STXBP5L: variants seen among roughly 807,000 people sequenced by gnomAD.
STXBP5L encodes syntaxin binding protein 5L.
A neutral mutation model predicts 144.5 loss-of-function variants in STXBP5L; 65 were observed. The ratio of observed to expected loss-of-function variants is 0.45; its 90% CI spans 0.37 to 0.55. STXBP5L has a LOEUF of 0.55. Among genes scored for constraint, STXBP5L ranks in the 20% least tolerant of loss-of-function variants. STXBP5L has a pLI of 0.00. For missense variants in STXBP5L, 1,298 were observed against 1,405.5 expected, an observed-to-expected ratio of 0.92 and a Z score of 1.22; for synonymous variants, 505 against 469.6, an observed-to-expected ratio of 1.08 and a Z score of -0.97.
intron 9 of STXBP5L, among the ~76,000 whole-genome samples, chr3:121,164,521 C>T (rs1429555156): frequency 6.6e-6 from 1 of 151,990 alleles, no homozygotes; most frequent in Non-Finnish European, 1.5e-5. Context: ...AGATAGAAAC[C>T]CAGCAGTTTC....
At chr3:121,202,912 A>G (rs2048192593) in intron 9 of STXBP5L, among the ~76,000 whole-genome samples, 2 of 151,980 alleles carry the variant, frequency 1.3e-5, no homozygotes, top group Non-Finnish European at 2.9e-5. Context: ...AAGCATAGAT[A>G]ATGTTTTTTT....
chr3:121,376,208 A>G (rs1474253010), intron 20 of STXBP5L, among the ~76,000 whole-genome samples: 1 of 152,232 alleles, frequency 6.6e-6, no homozygotes, highest in Non-Finnish European at 1.5e-5. Context: ...AGAGGCAACT[A>G]ATGCATGAAG....
chr3:121,266,468 A>T (rs1261348213), intron 18 of STXBP5L, among the ~76,000 whole-genome samples: 1 of 152,220 alleles, frequency 6.6e-6, no homozygotes, highest in African/African-American at 2.4e-5. Flanking sequence ...AATTGATGGA[A>T]CGTATCTCAA....
intron 3 of STXBP5L, among the ~76,000 whole-genome samples, chr3:121,006,069 T>G (rs138006030): frequency 6.6e-6 from 1 of 152,146 alleles, no homozygotes; most frequent in Admixed American, 6.6e-5. Flanking sequence ...CTGTTAGGTC[T>G]GCTTGGTGCA....
At chr3:121,053,668 A>C (rs544337176) in intron 5 of STXBP5L, among the ~76,000 whole-genome samples, 1 of 152,358 alleles carries the variant, frequency 6.6e-6, no homozygotes, top group African/African-American at 2.4e-5. Context: ...CATTCAGGAC[A>C]TAGGCATGGG....
At chr3:121,015,259 A>G (rs560260110) in intron 3 of STXBP5L, among the ~76,000 whole-genome samples, 7 of 152,328 alleles carry the variant, frequency 4.6e-5, no homozygotes, top group African/African-American at 1.7e-4. Context: ...AATAATTTTA[A>G]AAATCAGTTA....
At chr3:121,098,578 A>C (rs2043250125) in intron 5 of STXBP5L, among the ~76,000 whole-genome samples, 1 of 152,228 alleles carries the variant, frequency 6.6e-6, no homozygotes, top group African/African-American at 2.4e-5. Context: ...ATCACATTTC[A>C]ACATGAGATT....
At chr3:121,001,819 G>C (rs1943802294) in intron 3 of STXBP5L, among the ~76,000 whole-genome samples, 1 of 152,302 alleles carries the variant, frequency 6.6e-6, no homozygotes, top group Admixed American at 6.5e-5. Flanking sequence ...GGGGTGTGCT[G>C]ATCTTCATGG....
intron 3 of STXBP5L, among the ~76,000 whole-genome samples, chr3:120,977,375 T>G (rs1363978099): frequency 1.3e-5 from 2 of 152,150 alleles, no homozygotes; most frequent in Non-Finnish European, 2.9e-5. Context: ...AACCCCTGCC[T>G]TTTTTTGTTT....
intron 7 of STXBP5L, among the ~76,000 whole-genome samples, chr3:121,143,937 A>G (rs2107951739): frequency 6.6e-6 from 1 of 151,924 alleles, no homozygotes; most frequent in Admixed American, 6.6e-5. Context: ...TCATGGCTCT[A>G]TAAACTTAAC....
intron 9 of STXBP5L, among the ~76,000 whole-genome samples, chr3:121,189,062 C>T (rs1258380543): frequency 6.6e-6 from 1 of 152,168 alleles, no homozygotes; most frequent in African/African-American, 2.4e-5. Flanking sequence ...TAGAAAACCC[C>T]ATTGTCTTCA....
At chr3:121,338,608 A>AAAG (rs1553770441) in intron 20 of STXBP5L, among the ~76,000 whole-genome samples, 4 of 147,116 alleles carry the variant, frequency 2.7e-5, no homozygotes, top group Admixed American at 6.9e-5. Flanking sequence ...AAAAAAAAAA[A>AAAG]AGAGAGAAAG....
At chr3:121,195,914 T>G (rs1383792336) in intron 9 of STXBP5L, among the ~76,000 whole-genome samples, 1 of 152,214 alleles carries the variant, frequency 6.6e-6, no homozygotes, top group Non-Finnish European at 1.5e-5. Context: ...TTCTTTGCTC[T>G]GCAAATGCTT....
intron 5 of STXBP5L, among the ~76,000 whole-genome samples, chr3:121,068,802 C>A (rs2041669823): frequency 6.6e-6 from 1 of 152,090 alleles, no homozygotes. Context: ...TACTTGCATT[C>A]TTTTTCTTTT....
intron 10 of STXBP5L, among the ~76,000 whole-genome samples, chr3:121,221,075 C>G (rs1002234686): frequency 6.6e-6 from 1 of 151,654 alleles, no homozygotes; most frequent in Non-Finnish European, 1.5e-5. Flanking sequence ...GTTATTTAAC[C>G]TCATTAATAA....
chr3:121,360,253 A>G (rs1253320654), intron 20 of STXBP5L, among the ~76,000 whole-genome samples: 2 of 151,368 alleles, frequency 1.3e-5, no homozygotes, highest in African/African-American at 2.4e-5. Flanking sequence ...GGCATAGAAT[A>G]TCTTTTTCTA....
intron 5 of STXBP5L, among the ~76,000 whole-genome samples, chr3:121,108,656 G>C (rs143892143): frequency 5.5e-4 from 83 of 152,252 alleles, no homozygotes; most frequent in Admixed American, 2.6e-3. Flanking sequence ...TGTTCATCAG[G>C]ATATTGGCCT....
intron 3 of STXBP5L, among the ~76,000 whole-genome samples, chr3:121,038,779 G>A (rs1946938797): frequency 6.6e-6 from 1 of 151,638 alleles, no homozygotes; most frequent in Non-Finnish European, 1.5e-5. Context: ...CTGTAATTAG[G>A]TGTATAATTT....
chr3:121,367,790 CTTT>C (rs200992044), intron 20 of STXBP5L, among the ~76,000 whole-genome samples: 8 of 106,284 alleles, frequency 7.5e-5, no homozygotes, highest in Non-Finnish European at 1.2e-4. Flanking sequence ...TTTGCTTTTC[CTTT>C]TTTTTTTTTT....
Sources: allele counts gnomAD v4.1 joint callset (sites outside exome capture counted in the v4.1 genomes callset), GRCh38; gene constraint gnomAD v4.1.1; transcripts MANE v1.5; gene names NCBI Gene and HGNC (gene_info 2026-07-23, HGNC 2026-07-21).